Variants in PLEKHG1 observed in about 807,000 individuals in gnomAD.
The protein encoded by PLEKHG1 is pleckstrin homology domain-containing family G member 1.
In PLEKHG1, 44 loss-of-function variants were observed where a neutral mutation model predicts 100.8. The ratio of observed to expected loss-of-function variants is 0.44; its 90% CI spans 0.34 to 0.56. The LOEUF (loss-of-function observed/expected upper bound fraction) is 0.56, where lower values mean the gene tolerates loss of function less well. Among genes scored for constraint, PLEKHG1 ranks in the 20% least tolerant of loss-of-function variants. The pLI, the probability that PLEKHG1 is intolerant of heterozygous loss-of-function variation, is 0.01. For synonymous variants in PLEKHG1, 640 were observed against 662.5 expected (o/e 0.97, Z 0.52); for missense variants, 1,545 against 1,720.9 (o/e 0.90, Z 1.81).
chr6:150,807,876 G>A (rs1432541325), intron 7 of PLEKHG1, among the ~76,000 whole-genome samples: 1 of 152,160 alleles, frequency 6.6e-6, no homozygotes, highest in Non-Finnish European at 1.5e-5. Flanking sequence ...GGCTGAGGCA[G>A]GAGAATCGCT....
intron 1 of PLEKHG1, among the ~76,000 whole-genome samples, chr6:150,635,841 G>A (rs1050404175): frequency 4.6e-5 from 7 of 152,080 alleles, no homozygotes; most frequent in East Asian, 1.9e-4. Context: ...GCCAGGACTC[G>A]TCAAGCAGTT....
chr6:150,690,256 T>C (rs1050358223), intron 3 of PLEKHG1, among the ~76,000 whole-genome samples: 1 of 152,186 alleles, frequency 6.6e-6, no homozygotes, highest in Non-Finnish European at 1.5e-5. Flanking sequence ...AGGTGGTATT[T>C]GGTTACATGA....
At chr6:150,622,346 A>T (rs73016054) in intron 1 of PLEKHG1, among the ~76,000 whole-genome samples, 11,374 of 152,034 alleles carry the variant, frequency 0.075, 523 homozygotes, top group Non-Finnish European at 0.1. Flanking sequence ...ATTTTTTTTT[A>T]AATTTGCAAA....
intron 3 of PLEKHG1, among the ~76,000 whole-genome samples, chr6:150,779,911 C>T (rs1414957524): frequency 1.3e-5 from 2 of 148,958 alleles, no homozygotes; most frequent in East Asian, 4.3e-4. Context: ...TGCAGTGAGC[C>T]GAGATCACAC....
At position 150,735,329 on chromosome 6, in the gene PLEKHG1, GC is replaced by G. The variant is rs1782509320; in HGVS notation, c.411+1239del. On this transcript the variant is annotated intron_variant, in intron 2 of 15. Transcript: ENST00000358517. ...ATTATAAAGCTACACTTGCTTTGCTGCCTACTAATACACCAGATTCTTTCAT... is the reference window on the plus strand; with the variant it reads ...ATTATAAAGCTACACTTGCTTTGCTGCTACTAATACACCAGATTCTTTCAT... Among the ~76,000 whole-genome samples the G allele has an allele frequency of 7.2e-5, 11 of 152,228 alleles. 1 individual carries two copies. The South Asian group carries it at 2.3e-3, about 32-fold the overall frequency.
intron 2 of PLEKHG1, among the ~76,000 whole-genome samples, chr6:150,640,973 G>A (rs1778230635): frequency 6.6e-6 from 1 of 151,996 alleles, no homozygotes; most frequent in Non-Finnish European, 1.5e-5. Context: ...GTTGTTTAGT[G>A]GGCACTAAAT....
In PLEKHG1 at chr6:150,818,217, G is replaced by T. The variant is rs1221206833; in HGVS notation, c.1312+1G>T. 6.3e-7 allele frequency: 1 copy of T among 1,596,382 alleles called. No homozygotes were observed. Among genetic ancestry groups the T allele is most frequent in the African/African-American group, 1.3e-5 (1 of 74,526 alleles). ...GCAATCCTTGAAATGGATGCCATTC[G>T]TAAGTTTTATTTCCTTAAAACAATT... On this transcript the variant is annotated splice_donor_variant, in intron 11 of 15. Coordinates refer to ENST00000358517, the Ensembl canonical transcript of PLEKHG1. LOFTEE classifies it high-confidence loss of function.
At chr6:150,674,758 C>T (rs2128586689) in intron 3 of PLEKHG1, among the ~76,000 whole-genome samples, 1 of 150,862 alleles carries the variant, frequency 6.6e-6, no homozygotes, top group African/African-American at 2.4e-5. Context: ...TTTCAGCTCA[C>T]TGCAACCTCC....
At chr6:150,607,652 G>A (rs141013746) in intron 1 of PLEKHG1, among the ~76,000 whole-genome samples, 9 of 152,310 alleles carry the variant, frequency 5.9e-5, no homozygotes, top group Non-Finnish European at 1.0e-4. Flanking sequence ...GTGGGTGGTA[G>A]GGGTGATATT....
intron 2 of PLEKHG1, among the ~76,000 whole-genome samples, chr6:150,758,317 G>T (rs973988995): frequency 1.1e-4 from 16 of 146,670 alleles, no homozygotes; most frequent in Non-Finnish European, 1.6e-4. Flanking sequence ...CTGCAACCTT[G>T]CTAGCATCTG....
At chr6:150,806,182 T>A (rs1016024034) in intron 7 of PLEKHG1, among the ~76,000 whole-genome samples, 1 of 135,480 alleles carries the variant, frequency 7.4e-6, no homozygotes, top group African/African-American at 2.7e-5. Flanking sequence ...CCACTGACTA[T>A]CAAAAATCAG....
At chr6:150,780,179 A>G (rs1785231613) in intron 3 of PLEKHG1, among the ~76,000 whole-genome samples, 1 of 141,604 alleles carries the variant, frequency 7.1e-6, no homozygotes, top group African/African-American at 2.7e-5. Flanking sequence ...TCTGTTGCCC[A>G]GGCTGGAGTG....
intron 7 of PLEKHG1, 129 bp from the exon 9 acceptor site, chr6:150,808,975 TA>T: frequency 1.5e-6 from 1 of 665,492 alleles, no homozygotes; most frequent in East Asian, 2.7e-5. Context: ...GACCATCAGA[TA>T]CCACGTAGAT....
At chr6:150,766,959 G>A (rs916010760) in intron 2 of PLEKHG1, among the ~76,000 whole-genome samples, 3 of 151,404 alleles carry the variant, frequency 2.0e-5, no homozygotes, top group Non-Finnish European at 2.9e-5. Flanking sequence ...TGTGGCTCAT[G>A]CCCATCCACA....
At chr6:150,830,899 A>C (rs41289347) in exon 15 of PLEKHG1, 47,471 of 1,614,052 alleles carry the variant, frequency 0.029, 768 homozygotes, top group South Asian at 0.035. Context: ...TGGAGTCCAC[A>C]GAGACCTCCA....
intron 1 of PLEKHG1, among the ~76,000 whole-genome samples, chr6:150,603,094 T>A (rs56000885): frequency 0.65 from 74,442 of 114,346 alleles, 24,279 homozygotes; most frequent in Non-Finnish European, 0.72. Flanking sequence ...AAAAAAAAAA[T>A]AAAAAAAAAG....
upstream of PLEKHG1, among the ~76,000 whole-genome samples, chr6:150,718,469 CTTTTT>C (rs3072740): frequency 7.7e-6 from 1 of 130,694 alleles, no homozygotes; most frequent in African/African-American, 2.8e-5. Context: ...CTTCCCTTTA[CTTTTT>C]TTTTTTTTTT....
chr6:150,810,514 A>AAAAGAAAGAAAAGAAAGAAAGAAAG, intron 10 of PLEKHG1, among the ~76,000 whole-genome samples: 1 of 88,540 alleles, frequency 1.1e-5, no homozygotes, highest in African/African-American at 3.4e-5. Context: ...GAAAGAAAGA[A>AAAAGAAAGAAAAGAAAGAAAGAAAG]AAAGAAAGAA....
intron 1 of PLEKHG1, among the ~76,000 whole-genome samples, chr6:150,728,005 G>T (rs149660888): frequency 1.3e-5 from 2 of 152,324 alleles, no homozygotes; most frequent in East Asian, 3.9e-4. Context: ...GTTTCAGTTT[G>T]TCAGGGAAAA....
Sources: allele counts gnomAD v4.1 joint callset (sites outside exome capture counted in the v4.1 genomes callset), GRCh38; gene constraint gnomAD v4.1.1; transcripts MANE v1.5; gene names NCBI Gene and HGNC (gene_info 2026-07-23, HGNC 2026-07-21).